GIT1: variants seen among roughly 807,000 people sequenced by gnomAD.
The protein encoded by GIT1 is ARF GTPase-activating protein GIT1.
Under a neutral mutation model 91.7 loss-of-function variants are expected in GIT1, and 14 were observed. The ratio of observed to expected loss-of-function variants is 0.15; its 90% CI spans 0.10 to 0.24. GIT1 has a LOEUF of 0.24. GIT1 is among the 10% of genes least tolerant of loss of function. The pLI, the probability that GIT1 is intolerant of heterozygous loss-of-function variation, is 1.00. For missense variants in GIT1, 717 were observed against 1,024.9 expected (o/e 0.70, Z 4.10); for synonymous variants, 414 against 418.2 (o/e 0.99, Z 0.12).
chr17:29,588,800 C>T (rs902974626), intron 1 of GIT1, among the ~76,000 whole-genome samples: 1 of 152,226 alleles, frequency 6.6e-6, no homozygotes, highest in Non-Finnish European at 1.5e-5. Flanking sequence ...GTAGCCACCG[C>T]TCATCTGCTC....
At chr17:29,577,286 C>T (rs1436618105) in intron 10 of GIT1, 39 bp from the exon 11 acceptor site, 6 of 1,530,756 alleles carry the variant, frequency 3.9e-6, no homozygotes, top group East Asian at 2.3e-5. Flanking sequence ...TCAGGGGACC[C>T]CTTATGACTG....
chr17:29,584,235 A>G (rs1017670633), intron 1 of GIT1, among the ~76,000 whole-genome samples: 7 of 152,244 alleles, frequency 4.6e-5, no homozygotes, highest in African/African-American at 1.4e-4. Flanking sequence ...GCTGCTTGCA[A>G]CTGTCAGGCA....
intron 1 of GIT1, among the ~76,000 whole-genome samples, chr17:29,584,393 C>T (rs2033511509): frequency 6.6e-6 from 1 of 152,204 alleles, no homozygotes; most frequent in African/African-American, 2.4e-5. Flanking sequence ...TGCTGCTGTC[C>T]CTCTGCCTCT....
rs1282049962 is a variant in GIT1, at chr17:29,589,420, G to GGGGCGC, written c.-48_-43dup. 3.3e-6 allele frequency: 3 copies of GGGGCGC among 913,000 alleles called. No homozygotes were observed. The highest frequency in any genetic ancestry group is 3.9e-6 in the Non-Finnish European group (3 of 765,592). 56.6% of individuals were successfully genotyped at this position (913,000 alleles called of 1,614,324 possible). ...GCCGCAGCCCTCTGGGCCAGCGTGG[G>GGGGCGC]GGGCGCGGGCGGCGGGCCCGGGCGG... is the stretch of plus-strand genomic sequence containing the variant. On this transcript the variant is annotated 5_prime_UTR_variant, in exon 1 of 20. Transcript: ENST00000225394. This position sits in a 1 kb window ranked among gnomAD's most constrained non-coding sequence, Gnocchi z 5.2.
At chr17:29,577,359 A>G in intron 10 of GIT1, 112 bp from the exon 11 acceptor site, 1 of 852,538 alleles carries the variant, frequency 1.2e-6, no homozygotes, top group Non-Finnish European at 1.9e-6. Flanking sequence ...ACCCCAGCTA[A>G]AGCGTCCCAG....
intron 2 of GIT1, 127 bp downstream of exon 2, chr17:29,583,356 A>G (rs1025470241): frequency 1.1e-6 from 1 of 944,964 alleles, no homozygotes; most frequent in African/African-American, 1.6e-5. Context: ...CCTCTGCCCT[A>G]GGGGGGTGCT....
At chr17:29,582,538 G>A (rs1316944402) in intron 4 of GIT1, among the ~76,000 whole-genome samples, 160 bp downstream of exon 4, 1 of 152,164 alleles carries the variant, frequency 6.6e-6, no homozygotes, top group African/African-American at 2.4e-5. Context: ...GCCACACACG[G>A]CCTGACCCAA....
At chr17:29,580,514 G>C (rs1488866144) in intron 7 of GIT1, among the ~76,000 whole-genome samples, 17 of 152,222 alleles carry the variant, frequency 1.1e-4, no homozygotes, top group Non-Finnish European at 1.8e-4. Flanking sequence ...TCCATCTTAT[G>C]TGCTGGGTGA....
At chr17:29,588,953 T>C (rs999403914) in intron 1 of GIT1, among the ~76,000 whole-genome samples, 1 of 151,844 alleles carries the variant, frequency 6.6e-6, no homozygotes, top group Non-Finnish European at 1.5e-5. Flanking sequence ...AAAACCACAC[T>C]CGCCCCCACC....
chr17:29,584,636 T>C (rs2033522922), intron 1 of GIT1, among the ~76,000 whole-genome samples: 1 of 152,192 alleles, frequency 6.6e-6, no homozygotes, highest in Admixed American at 6.5e-5. Context: ...GACACTTTGC[T>C]CTGCCCAGCG....
rs1448674561 is a variant in GIT1, at chr17:29,575,610, G to A, written c.1826+20C>T. 1 of 1,608,180 alleles carries A rather than the reference G, an allele frequency of 6.2e-7. No homozygotes were observed. The highest frequency in any genetic ancestry group is 8.5e-7 in the Non-Finnish European group (1 of 1,177,798). On this transcript the variant is annotated intron_variant, in intron 17 of 19. Transcript: ENST00000225394. The surrounding 1 kb of genome is among the most constrained non-coding windows in gnomAD (Gnocchi z 5.5). ...CCTCGGCATGTGAGCAGGCTGGACT[G>A]GAGACCCAGGGAGCCTCACCCCAGC...
At position 29,575,282 on chromosome 17, in the gene GIT1, C is replaced by T. The variant is rs377389432; in HGVS notation, c.2009+6G>A. On this transcript the variant is annotated splice_donor_region_variant and intron_variant, in intron 18 of 19. Coordinates refer to ENST00000225394, the MANE Select transcript of GIT1 (RefSeq NM_014030.4). This position sits in a 1 kb window ranked among gnomAD's most constrained non-coding sequence, Gnocchi z 5.5. Reference sequence around the variant, plus strand: ...CATCCCCCTCACCTCCCCCTCCACTCAGTACCTGTCATGCTTGAACTCCTG... The same window carrying T: ...CATCCCCCTCACCTCCCCCTCCACTTAGTACCTGTCATGCTTGAACTCCTG... The T allele has an allele frequency of 3.4e-5, 54 of 1,609,114 alleles. No homozygotes were observed. The highest frequency in any genetic ancestry group is 4.3e-5 in the Non-Finnish European group (51 of 1,177,706).
In GIT1 at chr17:29,582,121, T is replaced by C; in HGVS notation, c.429A>G (p.Thr143=). ...LSKQLHSSVR[T]GNLETCLRLL... ...GGCGCAGACATGTCTCCAGGTTGCC[T>C]GTCCGCACGCTCGAGTGTAGTTGCT... The change falls in exon 5 of 20, where the codon ACA becomes ACG. Residue 143 remains threonine (T), a synonymous_variant. Transcript: ENST00000225394. 6.3e-7 allele frequency: 1 copy of C among 1,589,572 alleles called. No homozygotes were observed. Among genetic ancestry groups the C allele is most frequent in the African/African-American group, 1.3e-5 (1 of 74,670 alleles).
intron 7 of GIT1, chr17:29,579,236 A>C: frequency 1.8e-6 from 1 of 552,908 alleles, no homozygotes; most frequent in South Asian, 2.3e-5. Flanking sequence ...AGCCTCCCTC[A>C]CCCTCCAGTC....
At position 29,576,891 on chromosome 17, in the gene GIT1, G is replaced by T; in HGVS notation, c.1199C>A (p.Thr400Asn). The stretch of plus-strand genomic sequence containing the variant: ...GGCCCGGTTGCTCCGAGTGGCGCCG[G>T]TGCTGCGCAGGGGCTCCTGGTCTGT... ...EDTDQEPLRSTGATRSNRARS... is the reference protein window; with the variant it reads ...EDTDQEPLRSNGATRSNRARS... Residue 400 changes from threonine to asparagine, a missense_variant, in exon 12 of 20, where the codon ACC (threonine) becomes AAC (asparagine). Coordinates refer to ENST00000225394, the MANE Select transcript of GIT1 (RefSeq NM_014030.4). The T allele has an allele frequency of 6.3e-7, 1 of 1,575,922 alleles. No homozygotes were observed. The highest frequency in any genetic ancestry group is 8.6e-7 in the Non-Finnish European group (1 of 1,162,486).
intron 2 of GIT1, 128 bp from the exon 3 acceptor site, chr17:29,583,165 C>A (rs1045588653): frequency 2.8e-5 from 19 of 670,944 alleles, no homozygotes; most frequent in Non-Finnish European, 4.8e-5. Flanking sequence ...TGTGTGCCCG[C>A]ACCACCACAC....
At chr17:29,588,559 G>C (rs1192097034) in intron 1 of GIT1, among the ~76,000 whole-genome samples, 1 of 152,204 alleles carries the variant, frequency 6.6e-6, no homozygotes, top group Non-Finnish European at 1.5e-5. Flanking sequence ...GGCCAGACTG[G>C]GCTAGGGGAC....
chr17:29,579,724 TA>T (rs150798041), intron 7 of GIT1, among the ~76,000 whole-genome samples: 559 of 141,434 alleles, frequency 4.0e-3, no homozygotes, highest in Middle Eastern at 7.0e-3. Context: ...CCCCAACTCT[TA>T]AAAAAAAAAA....
intron 10 of GIT1, among the ~76,000 whole-genome samples, 166 bp downstream of exon 10, chr17:29,577,479 T>A: frequency 6.6e-6 from 1 of 152,056 alleles, no homozygotes; most frequent in South Asian, 2.1e-4. Flanking sequence ...CCCCAAGTGC[T>A]CAAAACAACA....
Sources: allele counts gnomAD v4.1 joint callset (sites outside exome capture counted in the v4.1 genomes callset), GRCh38; gene constraint gnomAD v4.1.1; non-coding constraint Gnocchi (gnomAD v3.1); transcripts MANE v1.5; gene names NCBI Gene and HGNC (gene_info 2026-07-23, HGNC 2026-07-21).